The following ITGAL variants were observed in gnomAD, a reference collection of about 807,000 sequenced individuals.
ITGAL encodes integrin alpha-L.
ITGAL carries 68 observed loss-of-function variants against 138.4 expected under a neutral mutation model. The ratio of observed to expected loss-of-function variants is 0.49; its 90% CI spans 0.40 to 0.60. The LOEUF is 0.60. Ranked by LOEUF, ITGAL falls within the 20% of genes least tolerant of loss-of-function variation. The pLI is 0.00. For missense variants in ITGAL, 1,256 were observed against 1,478.6 expected (o/e 0.85, Z 2.47); for synonymous variants, 561 against 584.3 (o/e 0.96, Z 0.57).
intron 25 of ITGAL, 126 bp downstream of exon 25, chr16:30,513,972 C>A (rs940457001): frequency 5.5e-6 from 4 of 728,672 alleles, no homozygotes; most frequent in Non-Finnish European, 9.6e-6. Flanking sequence ...ATAATCCTTT[C>A]TCTAGAGTGT....
At chr16:30,496,713 C>G in intron 15 of ITGAL, 147 bp downstream of exon 15, 1 of 673,414 alleles carries the variant, frequency 1.5e-6, no homozygotes, top group Non-Finnish European at 2.2e-6. Context: ...ATGATCATAA[C>G]TCACTGCAGC....
At chr16:30,512,134 A>G (rs2151202953) in intron 24 of ITGAL, among the ~76,000 whole-genome samples, 2 of 152,330 alleles carry the variant, frequency 1.3e-5, no homozygotes, top group South Asian at 4.1e-4. Flanking sequence ...TTAGTTTTAA[A>G]AACTACATGA....
intron 4 of ITGAL, among the ~76,000 whole-genome samples, chr16:30,476,823 G>A (rs1186658473): frequency 1.3e-5 from 2 of 152,002 alleles, no homozygotes; most frequent in Non-Finnish European, 2.9e-5. Flanking sequence ...TAGTAGAGAT[G>A]GGGTTTCGCC....
At position 30,499,227 on chromosome 16, in the gene ITGAL, G is replaced by T. The variant is rs759112507; in HGVS notation, c.1986G>T (p.Gln662His). The T allele has an allele frequency of 6.2e-7, 1 of 1,614,170 alleles. No individual in the cohort carries two copies. The highest frequency in any genetic ancestry group is 1.1e-5 in the South Asian group (1 of 91,086). ...ICFQIKSLIPQFQGRLVANLT... is the reference protein window; with the variant it reads ...ICFQIKSLIPHFQGRLVANLT... ...TCCAGATCAAGTCTCTCATCCCCCA[G>T]TTCCAAGGTCAGAGCTCTCCTCCTG... The change falls in exon 16 of 31, where the codon CAG becomes CAT. Residue 662 changes from glutamine to histidine, a missense_variant. Around this residue, in one of 3 missense-constraint regions of ITGAL, gnomAD observed 867 missense variants for 972.5 expected, o/e 0.89. Coordinates refer to ENST00000356798, the MANE Select transcript of ITGAL (RefSeq NM_002209.3).
chr16:30,477,941 G>A lies in ITGAL; in HGVS notation c.328-1150G>A, dbSNP rs145156520. Reference sequence around the variant, plus strand: ...CAAAGAAAGGAAAGAAAGAAAGGACGGAGGGAGGGAGGGAAGGAAGGAAGG... The same window carrying A: ...CAAAGAAAGGAAAGAAAGAAAGGACAGAGGGAGGGAGGGAAGGAAGGAAGG... On this transcript the variant is annotated intron_variant, in intron 4 of 30. Coordinates refer to ENST00000356798, the MANE Select transcript of ITGAL (RefSeq NM_002209.3). 1.9e-4 allele frequency among the ~76,000 whole-genome samples: 28 copies of A among 151,006 alleles called. 1 individual carries two copies. Among genetic ancestry groups the A allele is most frequent in the Admixed American group, 5.3e-4 (8 of 15,052 alleles).
rs762647245 is a variant in ITGAL, at chr16:30,518,750, C to T, written c.3228+31C>T. 4 of 1,527,894 alleles carry T rather than the reference C, an allele frequency of 2.6e-6. No individual in the cohort carries two copies. The East Asian group carries it at 9.0e-5, about 34-fold the overall frequency. The allele number at this position is 1,527,894 out of a possible 1,614,324, so 94.6% of individuals were successfully genotyped here. On this transcript the variant is annotated intron_variant, in intron 29 of 30. Transcript: ENST00000356798. The stretch of plus-strand genomic sequence containing the variant: ...TCCACCTCCTTGGAAGCCCCAGGAA[C>T]AGGCAACAGAGGGAGCCCAGGAGCC...
intron 2 of ITGAL, among the ~76,000 whole-genome samples, chr16:30,474,860 CTTTTTTTTTTTTT>C: frequency 8.7e-6 from 1 of 114,408 alleles, no homozygotes; most frequent in South Asian, 2.8e-4. Context: ...TTTTTTTTTT[CTTTTTTTTTTTTT>C]TGAGAGGGAG....
chr16:30,502,229 C>T (rs11863188), intron 17 of ITGAL, among the ~76,000 whole-genome samples: 31,472 of 150,886 alleles, frequency 0.21, 4,650 homozygotes, highest in South Asian at 0.59. Flanking sequence ...AACCCCGTCT[C>T]TACTAAAAAT....
chr16:30,516,518 C>T (rs1333987374), intron 25 of ITGAL, among the ~76,000 whole-genome samples: 2 of 152,098 alleles, frequency 1.3e-5, no homozygotes, highest in African/African-American at 2.4e-5. Context: ...GTGTGAGCCA[C>T]CACACTAGGC....
Position 30,475,336 on chromosome 16 carries a change from C to G in ITGAL, c.195C>G (p.Asn65Lys). The G allele has an allele frequency of 6.2e-7, 1 of 1,613,752 alleles. No homozygotes were observed. Among genetic ancestry groups the G allele is most frequent in the Non-Finnish European group, 8.5e-7 (1 of 1,179,806 alleles). Residue 65 changes from asparagine (N) to lysine (K), a missense_variant, in exon 3 of 31, where the codon AAC becomes AAG. This residue lies in a region of ITGAL where 212 missense variants were observed against 217.4 expected (regional missense o/e 0.98). Coordinates refer to ENST00000356798, the MANE Select transcript of ITGAL (RefSeq NM_002209.3). The part of the protein sequence containing the change: ...GVIVGAPGEG[N>K]STGSLYQCQS... Reference sequence around the variant, plus strand: ...TCGTGGGAGCTCCAGGGGAGGGGAACAGCACAGGAAGCCTCTATCAGTGCC... The same window carrying G: ...TCGTGGGAGCTCCAGGGGAGGGGAAGAGCACAGGAAGCCTCTATCAGTGCC...
chr16:30,480,068 A>G (rs2151144580), intron 6 of ITGAL, among the ~76,000 whole-genome samples: 1 of 152,090 alleles, frequency 6.6e-6, no homozygotes, highest in Non-Finnish European at 1.5e-5. Context: ...ACTAGCTGGG[A>G]CTACCCATGT....
chr16:30,507,484 A>C (rs994736067), intron 21 of ITGAL, among the ~76,000 whole-genome samples: 3 of 151,428 alleles, frequency 2.0e-5, no homozygotes, highest in African/African-American at 7.3e-5. Flanking sequence ...AAAAAACAAA[A>C]AAAAAACCCA....
At position 30,505,448 on chromosome 16, in the gene ITGAL, C is replaced by T. The variant is rs1490453802; in HGVS notation, c.2352C>T (p.Ser784=). The part of the protein sequence containing the change: ...DKKCEANLRV[S]FSPARSRALR... ...AGTGTGAGGCAAACTTGAGAGTGTCCTTCTCTCCTGCAAGGTCAGTAAGGC... is the reference window on the plus strand; with the variant it reads ...AGTGTGAGGCAAACTTGAGAGTGTCTTTCTCTCCTGCAAGGTCAGTAAGGC... Residue 784 remains serine, a synonymous_variant, in exon 20 of 31, where the codon TCC becomes TCT. Coordinates refer to ENST00000356798, the MANE Select transcript of ITGAL (RefSeq NM_002209.3). 2 of 1,613,578 alleles carry T rather than the reference C, an allele frequency of 1.2e-6. No homozygotes were observed. The highest frequency in any genetic ancestry group is 1.7e-6 in the Non-Finnish European group (2 of 1,179,842).
chr16:30,499,484 T>A lies in ITGAL; in HGVS notation c.2140T>A (p.Phe714Ile). 1 of 1,613,538 alleles carries A rather than the reference T, an allele frequency of 6.2e-7. No homozygotes were observed. The highest frequency in any genetic ancestry group is 8.5e-7 in the Non-Finnish European group (1 of 1,179,940). Residue 714 changes from phenylalanine to isoleucine, a missense_variant, in exon 17 of 31, where the codon TTC (phenylalanine) becomes ATC (isoleucine). By Grantham distance (21) the Phe-to-Ile change is conservative (BLOSUM62 0). Around this residue, in one of 3 missense-constraint regions of ITGAL, gnomAD observed 867 missense variants for 972.5 expected, o/e 0.89. Transcript: ENST00000356798. Reference sequence around the variant, plus strand: ...GTCATGCACTGACTTCTCATTTCATTTCCCGGTAAGGGAGCCAGCGCCAAT... The same window carrying A: ...GTCATGCACTGACTTCTCATTTCATATCCCGGTAAGGGAGCCAGCGCCAAT... ...SMSCTDFSFHFPVCVQDLISP... is the reference protein window; with the variant it reads ...SMSCTDFSFHIPVCVQDLISP...
intron 21 of ITGAL, among the ~76,000 whole-genome samples, chr16:30,509,903 G>T (rs1232355962): frequency 1.3e-5 from 2 of 152,000 alleles, no homozygotes; most frequent in African/African-American, 4.8e-5. Context: ...GCTGGACATG[G>T]TGGCACATCC....
chr16:30,491,320 G>C (rs1444350541), intron 11 of ITGAL, among the ~76,000 whole-genome samples: 1 of 151,740 alleles, frequency 6.6e-6, no homozygotes, highest in East Asian at 1.9e-4. Flanking sequence ...AGAATCTCTT[G>C]AACTCTGGAG....
chr16:30,518,772 A>G, intron 29 of ITGAL, 53 bp downstream of exon 29: 2 of 1,367,842 alleles, frequency 1.5e-6, no homozygotes, highest in Non-Finnish European at 2.1e-6. Flanking sequence ...GGAGCCCAGG[A>G]GCCCCAGGGC....
rs1254150319 is a variant in ITGAL, at chr16:30,474,200, G to C, written c.66G>C (p.Pro22=). The C allele has an allele frequency of 3.1e-6, 5 of 1,600,312 alleles. No homozygotes were observed. The highest frequency in any genetic ancestry group is 3.4e-6 in the Non-Finnish European group (4 of 1,173,966). ...GACGACCCTTGCCTTCCTCAGCGCC[G>C]GCCTCGAGCTACAACCTGGACGTGC... The part of the protein sequence containing the change: ...ALLSGFFFFA[P]ASSYNLDVRG... The change falls in exon 2 of 31, where the codon CCG becomes CCC. Residue 22 remains proline, a synonymous_variant. Coordinates refer to ENST00000356798, the MANE Select transcript of ITGAL (RefSeq NM_002209.3).
chr16:30,485,926 G>A (rs373133135), intron 9 of ITGAL, among the ~76,000 whole-genome samples: 5 of 152,034 alleles, frequency 3.3e-5, no homozygotes, highest in East Asian at 1.9e-4. Flanking sequence ...TCTGAGCCCC[G>A]CAGAGTGAAT....
Sources: allele counts gnomAD v4.1 joint callset (sites outside exome capture counted in the v4.1 genomes callset), GRCh38; gene constraint gnomAD v4.1.1; regional missense constraint gnomAD v4.1.1; transcripts MANE v1.5; gene names NCBI Gene and HGNC (gene_info 2026-07-23, HGNC 2026-07-21).